The following ZFP90 variants were observed in gnomAD, a reference collection of about 807,000 sequenced individuals.
ZFP90 encodes zinc finger protein 90 homolog.
A neutral mutation model predicts 60.8 loss-of-function variants in ZFP90; 38 were observed. The ratio of observed to expected loss-of-function variants is 0.62; its 90% CI spans 0.48 to 0.82. The LOEUF is 0.82. Ranked by LOEUF, ZFP90 falls within the 40% of genes least tolerant of loss-of-function variation. ZFP90 has a pLI of 0.00. For missense variants in ZFP90, 711 were observed against 759.1 expected (o/e 0.94, Z 0.74); for synonymous variants, 287 against 264.8 (o/e 1.08, Z -0.82).
intron 2 of ZFP90, among the ~76,000 whole-genome samples, chr16:68,549,505 G>A (rs924706703): frequency 3.3e-5 from 5 of 151,824 alleles, no homozygotes; most frequent in Non-Finnish European, 5.9e-5. Context: ...GTGAAACCCC[G>A]TCTCTACTAA....
chr16:68,541,284 C>G (rs899913373), intron 2 of ZFP90, among the ~76,000 whole-genome samples: 2 of 151,984 alleles, frequency 1.3e-5, no homozygotes, highest in Non-Finnish European at 2.9e-5. Flanking sequence ...TTGATCCGCC[C>G]ACGTTGGCCT....
At chr16:68,555,948 C>T (rs1339633652) in intron 2 of ZFP90, among the ~76,000 whole-genome samples, 1 of 152,184 alleles carries the variant, frequency 6.6e-6, no homozygotes, top group Admixed American at 6.5e-5. Context: ...GCTCTGCTTT[C>T]GATGTCTTTT....
At chr16:68,573,248 G>A (rs375701443) in intron 2 of ZFP90, among the ~76,000 whole-genome samples, 4 of 152,348 alleles carry the variant, frequency 2.6e-5, no homozygotes, top group East Asian at 3.9e-4. Context: ...CAAGGATTGC[G>A]TGAGGCCCAA....
chr16:68,557,468 T>C (rs1334645974), intron 2 of ZFP90, among the ~76,000 whole-genome samples: 1 of 152,078 alleles, frequency 6.6e-6, no homozygotes, highest in Non-Finnish European at 1.5e-5. Flanking sequence ...AATCAAAAAG[T>C]AAGTTGTAGA....
chr16:68,575,551 A>T (rs2091589919), intron 2 of ZFP90, among the ~76,000 whole-genome samples: 1 of 143,518 alleles, frequency 7.0e-6, no homozygotes, highest in African/African-American at 2.6e-5. Context: ...AAAAAAAAAA[A>T]AAAAGGCTAA....
chr16:68,547,249 C>T (rs1277236947), intron 2 of ZFP90, among the ~76,000 whole-genome samples: 1 of 152,194 alleles, frequency 6.6e-6, no homozygotes, highest in Non-Finnish European at 1.5e-5. Flanking sequence ...CTAATTTATC[C>T]ACATCCCCCC....
At chr16:68,539,523 C>T (rs1461256866) in intron 1 of ZFP90, 44 bp downstream of exon 1, 4 of 476,708 alleles carry the variant, frequency 8.4e-6, no homozygotes, top group South Asian at 3.7e-5. Flanking sequence ...TGGCGGGTGT[C>T]AGCCGGGCCT....
Position 68,564,201 on chromosome 16 carries a change from C to T in ZFP90, c.1414C>T (p.His472Tyr). 1.2e-6 allele frequency: 2 copies of T among 1,614,036 alleles called. No homozygotes were observed. The highest frequency in any genetic ancestry group is 1.1e-5 in the South Asian group (1 of 91,066). Residue 472 changes from histidine (H) to tyrosine (Y), a missense_variant, in exon 5 of 5, where the codon CAT becomes TAT. His to Tyr is a moderately conservative substitution (Grantham distance 83, BLOSUM62 2). Around this residue, in one of 5 missense-constraint regions of ZFP90, gnomAD observed 295 missense variants for 274.0 expected, o/e 1.08. Coordinates refer to ENST00000563169, the MANE Select transcript of ZFP90 (RefSeq NM_001305203.2). ...ITDFTDHQRI[H>Y]TAENPYDCEQ... ...AGACTTTACTGACCATCAGAGGATC[C>T]ATACTGCAGAGAACCCCTATGATTG...
chr16:68,557,880 T>G (rs1296922659), intron 2 of ZFP90, 118 bp from the exon 3 acceptor site: 2 of 1,359,258 alleles, frequency 1.5e-6, no homozygotes, highest in East Asian at 2.3e-5. Context: ...CAACATTGCC[T>G]CCTCAATCTA....
At chr16:68,545,026 C>T (rs2091122560) in intron 2 of ZFP90, among the ~76,000 whole-genome samples, 1 of 151,644 alleles carries the variant, frequency 6.6e-6, no homozygotes, top group Non-Finnish European at 1.5e-5. Context: ...ACTACAGGCA[C>T]GTGCCACCAT....
At chr16:68,562,796 T>A in intron 4 of ZFP90, 1 of 770,598 alleles carries the variant, frequency 1.3e-6, no homozygotes. Flanking sequence ...ACTTATTTCC[T>A]TATTTTCTAA....
intron 2 of ZFP90, among the ~76,000 whole-genome samples, chr16:68,542,337 T>C (rs188292532): frequency 3.0e-4 from 45 of 152,246 alleles, no homozygotes; most frequent in Non-Finnish European, 5.9e-4. Context: ...GGGACTGTAA[T>C]CCCAGCACTT....
chr16:68,540,370 C>T (rs900297388), intron 2 of ZFP90, among the ~76,000 whole-genome samples: 2 of 152,120 alleles, frequency 1.3e-5, no homozygotes, highest in Admixed American at 6.6e-5. Flanking sequence ...CTGATTCTCC[C>T]AGAGCTTTTT....
chr16:68,536,810 G>C (rs1448166328), upstream of ZFP90, among the ~76,000 whole-genome samples: 1 of 152,050 alleles, frequency 6.6e-6, no homozygotes, highest in Non-Finnish European at 1.5e-5. Flanking sequence ...ACCAATTCTG[G>C]GACAGTAGGA....
chr16:68,538,104 C>T (rs1208866268), upstream of ZFP90, among the ~76,000 whole-genome samples: 1 of 151,870 alleles, frequency 6.6e-6, no homozygotes, highest in African/African-American at 2.4e-5. Context: ...TAGAGACGAG[C>T]TATCTCCATG....
At chr16:68,575,729 G>C (rs557061089) in intron 2 of ZFP90, 1 of 397,596 alleles carries the variant, frequency 2.5e-6, no homozygotes. Flanking sequence ...TTGTAGCTAG[G>C]CATCAAACTG....
upstream of ZFP90, among the ~76,000 whole-genome samples, chr16:68,537,597 G>A (rs552784638): frequency 6.6e-6 from 1 of 151,760 alleles, no homozygotes; most frequent in Non-Finnish European, 1.5e-5. Context: ...AGACAGTCTC[G>A]CTTTGTCGCC....
chr16:68,534,782 G>C (rs953583748), upstream of ZFP90, among the ~76,000 whole-genome samples: 2 of 151,860 alleles, frequency 1.3e-5, no homozygotes, highest in East Asian at 2.0e-4. Flanking sequence ...GCAGGTGACT[G>C]TGTAGTCCCA....
intron 2 of ZFP90, chr16:68,557,419 A>G (rs2091363211): frequency 5.5e-6 from 2 of 364,068 alleles, no homozygotes; most frequent in Admixed American, 3.3e-5. Context: ...ATAAGGTGCA[A>G]TTATTCCACT....
Sources: allele counts gnomAD v4.1 joint callset (sites outside exome capture counted in the v4.1 genomes callset), GRCh38; gene constraint gnomAD v4.1.1; regional missense constraint gnomAD v4.1.1; transcripts MANE v1.5; gene names NCBI Gene and HGNC (gene_info 2026-07-23, HGNC 2026-07-21).